PARD3: variants seen among roughly 807,000 people sequenced by gnomAD.
The protein encoded by PARD3 is partitioning defective 3 homolog.
In PARD3, 75 loss-of-function variants were observed where a neutral mutation model predicts 155.4. That is an observed-to-expected ratio of 0.48 (90% CI 0.40 to 0.58). The LOEUF (loss-of-function observed/expected upper bound fraction) is 0.58. Among genes scored for constraint, PARD3 ranks in the 20% least tolerant of loss-of-function variants. The probability of loss-of-function intolerance (pLI) is 0.00; values close to 1 mark genes in which losing one functional copy is unlikely to be tolerated. For missense variants in PARD3, 1,642 were observed against 1,721.7 expected, an observed-to-expected ratio of 0.95 and a Z score of 0.82; for synonymous variants, 576 against 610.5, an observed-to-expected ratio of 0.94 and a Z score of 0.83.
chr10:34,738,559 C>G (rs1820277762), intron 1 of PARD3, among the ~76,000 whole-genome samples: 1 of 151,222 alleles, frequency 6.6e-6, no homozygotes, highest in Admixed American at 6.6e-5. Flanking sequence ...GAAAAGCCAA[C>G]ATACGGAGAC....
intron 1 of PARD3, among the ~76,000 whole-genome samples, chr10:34,705,814 G>T (rs1267871175): frequency 6.6e-6 from 1 of 152,182 alleles, no homozygotes; most frequent in Admixed American, 6.5e-5. Context: ...CCCTTGACAG[G>T]TGGATAGCTT....
At chr10:34,265,995 T>A (rs756841637) in intron 22 of PARD3, among the ~76,000 whole-genome samples, 5 of 152,230 alleles carry the variant, frequency 3.3e-5, no homozygotes, top group Non-Finnish European at 5.9e-5. Context: ...TCATGATTTG[T>A]GCAAGAGTTT....
chr10:34,122,104 T>G (rs919883349), intron 23 of PARD3, among the ~76,000 whole-genome samples: 6 of 152,188 alleles, frequency 3.9e-5, no homozygotes, highest in African/African-American at 1.4e-4. Context: ...CTTTACACCC[T>G]CAAAAGAACC....
intron 10 of PARD3, among the ~76,000 whole-genome samples, chr10:34,376,376 A>G (rs1352232036): frequency 1.3e-5 from 2 of 152,210 alleles, no homozygotes; most frequent in African/African-American, 4.8e-5. Flanking sequence ...TAATAAAGCA[A>G]TTATCTTTAG....
chr10:34,132,315 ACACCCACC>A (rs1163049981), intron 22 of PARD3, among the ~76,000 whole-genome samples: 2 of 146,752 alleles, frequency 1.4e-5, no homozygotes, highest in South Asian at 2.3e-4. Flanking sequence ...AGTATTTCAC[ACACCCACC>A]CACCCACCCA....
chr10:34,452,802 C>G lies in PARD3; in HGVS notation c.583-2354G>C, dbSNP rs566526683. Among the ~76,000 whole-genome samples, 101 of 152,284 alleles carry G rather than the reference C, an allele frequency of 6.6e-4. 1 individual carries two copies. In the South Asian group the frequency reaches 7.3e-3, roughly 11 times the overall value. On this transcript the variant is annotated intron_variant, in intron 4 of 24. Coordinates refer to ENST00000374788, the MANE Select transcript of PARD3 (RefSeq NM_001184785.2). ...CCAACAAGAGGTCCCAAAGATACCTCGAAACTGAGCTCCCTATTTTGACTC... is the reference window on the plus strand; with the variant it reads ...CCAACAAGAGGTCCCAAAGATACCTGGAAACTGAGCTCCCTATTTTGACTC...
chr10:34,677,304 G>A (rs1306589050), intron 2 of PARD3, among the ~76,000 whole-genome samples: 1 of 151,816 alleles, frequency 6.6e-6, no homozygotes, highest in East Asian at 1.9e-4. Context: ...AACATAGTGA[G>A]ACCCCCACAT....
At chr10:34,466,771 C>T (rs1367169890) in intron 4 of PARD3, among the ~76,000 whole-genome samples, 1 of 152,016 alleles carries the variant, frequency 6.6e-6, no homozygotes, top group East Asian at 1.9e-4. Context: ...GCTTTCCTTC[C>T]TTCTGAATAT....
At chr10:34,530,608 T>A (rs2133793605) in intron 2 of PARD3, among the ~76,000 whole-genome samples, 1 of 152,366 alleles carries the variant, frequency 6.6e-6, no homozygotes, top group Admixed American at 6.5e-5. Flanking sequence ...CTTAACTGGC[T>A]TTGTTGTCAA....
intron 2 of PARD3, among the ~76,000 whole-genome samples, chr10:34,677,138 G>T (rs2093723349): frequency 6.6e-6 from 1 of 152,128 alleles, no homozygotes; most frequent in South Asian, 2.1e-4. Flanking sequence ...TCTTGGACTT[G>T]ATTTATTTTC....
intron 2 of PARD3, among the ~76,000 whole-genome samples, chr10:34,573,864 C>T (rs535448038): frequency 6.6e-6 from 1 of 151,906 alleles, no homozygotes; most frequent in Admixed American, 6.6e-5. Context: ...AAGTATTCAA[C>T]CAAGAGTTTG....
intron 1 of PARD3, among the ~76,000 whole-genome samples, chr10:34,769,788 G>A (rs59494394): frequency 0.13 from 7,495 of 56,582 alleles, 497 homozygotes; most frequent in African/African-American, 0.33. Context: ...ACAAACAAAC[G>A]AACAAAAAAA....
At chr10:34,383,058 C>T in intron 8 of PARD3, 136 bp from the exon 9 acceptor site, 1 of 835,206 alleles carries the variant, frequency 1.2e-6, no homozygotes, top group South Asian at 1.7e-5. Flanking sequence ...TTCTAATAAC[C>T]CATTTATCAA....
At chr10:34,773,858 T>C (rs546016417) in intron 1 of PARD3, among the ~76,000 whole-genome samples, 1 of 152,266 alleles carries the variant, frequency 6.6e-6, no homozygotes, top group South Asian at 2.1e-4. Flanking sequence ...CATTTTCAAT[T>C]AGAAGCTTTC....
intron 2 of PARD3, among the ~76,000 whole-genome samples, chr10:34,626,049 T>G (rs1381796485): frequency 6.6e-6 from 1 of 152,202 alleles, no homozygotes; most frequent in Non-Finnish European, 1.5e-5. Flanking sequence ...AACTGCCCAG[T>G]AGTAAACAGA....
chr10:34,276,091 G>A (rs1955863929), intron 21 of PARD3, among the ~76,000 whole-genome samples: 1 of 151,920 alleles, frequency 6.6e-6, no homozygotes, highest in African/African-American at 2.4e-5. Context: ...TGTACCACCC[G>A]ACATTGATGG....
intron 21 of PARD3, among the ~76,000 whole-genome samples, chr10:34,270,296 C>T (rs1324525577): frequency 1.3e-5 from 2 of 152,012 alleles, no homozygotes; most frequent in East Asian, 3.9e-4. Context: ...GTGTGCACCA[C>T]CACGCCTGGC....
chr10:34,273,474 C>T (rs1955729661), intron 21 of PARD3, among the ~76,000 whole-genome samples: 1 of 152,148 alleles, frequency 6.6e-6, no homozygotes, highest in Non-Finnish European at 1.5e-5. Flanking sequence ...TTAGTGATGG[C>T]TAGGGGTTAG....
chr10:34,738,533 C>T (rs1478178018), intron 1 of PARD3, among the ~76,000 whole-genome samples: 1 of 152,114 alleles, frequency 6.6e-6, no homozygotes, highest in African/African-American at 2.4e-5. Flanking sequence ...CATTAAAATA[C>T]CTCATTAAAA....
Sources: gnomAD v4.1 joint callset for allele counts (sites outside exome capture counted in the v4.1 genomes callset) on GRCh38, gnomAD v4.1.1 for gene constraint, MANE v1.5 for transcripts, NCBI Gene and HGNC (gene_info 2026-07-23, HGNC 2026-07-21) for gene names.